LRGUK: variants seen among roughly 807,000 people sequenced by gnomAD.
LRGUK encodes leucine-rich repeat and guanylate kinase domain-containing protein.
Under a neutral mutation model 76.0 loss-of-function variants are expected in LRGUK, and 65 were observed. The ratio of observed to expected loss-of-function variants is 0.85; its 90% CI spans 0.70 to 1.05. LRGUK has a LOEUF of 1.05. Ranked by LOEUF, LRGUK falls within the 50% of genes least tolerant of loss-of-function variation. The probability of loss-of-function intolerance (pLI) is 0.00; values close to 1 mark genes in which losing one functional copy is unlikely to be tolerated. For missense variants in LRGUK, 758 were observed against 732.8 expected (o/e 1.03, Z -0.40); for synonymous variants, 268 against 265.6 (o/e 1.01, Z -0.09).
chr7:134,140,162 G>A lies in LRGUK; in HGVS notation c.487+645G>A, dbSNP rs185015162. 4.9e-4 allele frequency among the ~76,000 whole-genome samples: 75 copies of A among 152,034 alleles called. 2 individuals are homozygous for A. The highest frequency in any genetic ancestry group is 1.7e-3 in the African/African-American group (72 of 41,470). On this transcript the variant is annotated intron_variant, in intron 3 of 15. Transcript: ENST00000645682. ...TTTTTGTATTTCTAGTAGAGATAGGGTTTCGTCATGTTGGCCAGGATGGTC... is the reference window on the plus strand; with the variant it reads ...TTTTTGTATTTCTAGTAGAGATAGGATTTCGTCATGTTGGCCAGGATGGTC...
At chr7:134,238,485 C>G (rs1802063993) in intron 16 of LRGUK, among the ~76,000 whole-genome samples, 1 of 151,526 alleles carries the variant, frequency 6.6e-6, no homozygotes, top group Non-Finnish European at 1.5e-5. Context: ...TTTCTTAAAC[C>G]ATTGTTTGTT....
intron 18 of LRGUK, among the ~76,000 whole-genome samples, chr7:134,254,014 T>G (rs1452634862): frequency 6.6e-6 from 1 of 152,116 alleles, no homozygotes; most frequent in Non-Finnish European, 1.5e-5. Context: ...AACGGTATGG[T>G]CCTCAACAGA....
At chr7:134,232,411 T>C (rs1179541022) in intron 16 of LRGUK, among the ~76,000 whole-genome samples, 1 of 152,108 alleles carries the variant, frequency 6.6e-6, no homozygotes, top group Admixed American at 6.5e-5. Context: ...CCTGAGTAGC[T>C]GGGATTACAG....
At chr7:134,251,471 G>A (rs770041170) in intron 18 of LRGUK, among the ~76,000 whole-genome samples, 6 of 152,168 alleles carry the variant, frequency 3.9e-5, no homozygotes, top group Non-Finnish European at 8.8e-5. Context: ...CCATAACTGT[G>A]AGACAATCAA....
downstream of LRGUK, among the ~76,000 whole-genome samples, chr7:134,269,129 C>G (rs1047376547): frequency 6.6e-6 from 1 of 152,092 alleles, no homozygotes; most frequent in African/African-American, 2.4e-5. Flanking sequence ...ACCAATCTTA[C>G]TGAAACTATT....
intron 1 of LRGUK, among the ~76,000 whole-genome samples, chr7:134,131,187 CT>C (rs1797289573): frequency 6.6e-6 from 1 of 152,134 alleles, no homozygotes; most frequent in South Asian, 2.1e-4. Context: ...GTAATAATAC[CT>C]ACTCCTGTGA....
intron 1 of LRGUK, among the ~76,000 whole-genome samples, chr7:134,134,664 G>A (rs1797451218): frequency 6.6e-6 from 1 of 152,194 alleles, no homozygotes; most frequent in African/African-American, 2.4e-5. Context: ...GGAAATGGAG[G>A]GGGCCAGATG....
chr7:134,249,917 G>A (rs1290761548), intron 18 of LRGUK, among the ~76,000 whole-genome samples: 2 of 152,144 alleles, frequency 1.3e-5, no homozygotes, highest in Non-Finnish European at 2.9e-5. Flanking sequence ...TCTACTACGG[G>A]GTGCCTCTCT....
intron 4 of LRGUK, among the ~76,000 whole-genome samples, chr7:134,144,131 CT>C (rs1242024679): frequency 2.6e-5 from 4 of 152,182 alleles, no homozygotes; most frequent in African/African-American, 9.7e-5. Flanking sequence ...GCATTCTTGT[CT>C]CACCACAACT....
chr7:134,239,473 G>T (rs1178244628), intron 16 of LRGUK, among the ~76,000 whole-genome samples: 1 of 152,190 alleles, frequency 6.6e-6, no homozygotes, highest in African/African-American at 2.4e-5. Context: ...GTCTGAGATC[G>T]ACCTGCAAGG....
intron 18 of LRGUK, among the ~76,000 whole-genome samples, chr7:134,257,980 A>G (rs956298817): frequency 2.0e-5 from 3 of 152,142 alleles, no homozygotes; most frequent in African/African-American, 4.8e-5. Context: ...AACACTTATC[A>G]TGATGTCTTG....
At chr7:134,250,665 T>C (rs1802420330) in intron 18 of LRGUK, among the ~76,000 whole-genome samples, 1 of 152,228 alleles carries the variant, frequency 6.6e-6, no homozygotes, top group Non-Finnish European at 1.5e-5. Flanking sequence ...TCAGTCTGCA[T>C]GTTTCACTAG....
At chr7:134,247,471 A>G in intron 16 of LRGUK, 85 bp from the exon 17 acceptor site, 1 of 934,484 alleles carries the variant, frequency 1.1e-6, no homozygotes, top group Non-Finnish European at 1.7e-6. Context: ...GTCAATCTCT[A>G]GTACCAAAGA....
chr7:134,195,969 G>T (rs1459371113), intron 12 of LRGUK, among the ~76,000 whole-genome samples: 1 of 152,078 alleles, frequency 6.6e-6, no homozygotes, highest in Non-Finnish European at 1.5e-5. Flanking sequence ...TCTCTGACCT[G>T]TCTTCCCTGA....
chr7:134,203,736 A>G (rs918829505), intron 15 of LRGUK, among the ~76,000 whole-genome samples: 2 of 152,172 alleles, frequency 1.3e-5, no homozygotes, highest in Non-Finnish European at 2.9e-5. Flanking sequence ...GATTGGGAGC[A>G]TGTCAGTGTA....
chr7:134,207,080 G>T (rs1178554335), intron 15 of LRGUK, among the ~76,000 whole-genome samples: 1 of 152,108 alleles, frequency 6.6e-6, no homozygotes, highest in Non-Finnish European at 1.5e-5. Context: ...AGAGATTAAG[G>T]AGCAAAAGAA....
At chr7:134,159,230 G>T (rs763635087) in intron 6 of LRGUK, among the ~76,000 whole-genome samples, 1 of 151,700 alleles carries the variant, frequency 6.6e-6, no homozygotes, top group Non-Finnish European at 1.5e-5. Flanking sequence ...CAGCTACTTA[G>T]GAGGGCTGAA....
intron 14 of LRGUK, among the ~76,000 whole-genome samples, chr7:134,201,245 C>CTGAA (rs1563179500): frequency 6.6e-6 from 1 of 152,176 alleles, no homozygotes; most frequent in African/African-American, 2.4e-5. Flanking sequence ...ATCCCTTTTG[C>CTGAA]TGAATGTCAC....
chr7:134,212,507 T>C (rs1403681397), downstream of LRGUK, among the ~76,000 whole-genome samples: 1 of 152,246 alleles, frequency 6.6e-6, no homozygotes, highest in African/African-American at 2.4e-5. Flanking sequence ...TCAAGGGCAG[T>C]AGAGGAAACT....
Sources: gnomAD v4.1 joint callset for allele counts (sites outside exome capture counted in the v4.1 genomes callset) on GRCh38, gnomAD v4.1.1 for gene constraint, MANE v1.5 for transcripts, NCBI Gene and HGNC (gene_info 2026-07-23, HGNC 2026-07-21) for gene names.